CRYBA4: variants seen among roughly 807,000 people sequenced by gnomAD.
CRYBA4 encodes the protein crystallin beta A4.
Under a neutral mutation model 31.7 loss-of-function variants are expected in CRYBA4, and 30 were observed. The observed-to-expected ratio is 0.95, with a 90% CI of 0.71 to 1.28. The LOEUF is 1.28. Among genes scored for constraint, CRYBA4 ranks in the 50% most tolerant of loss-of-function variants. The pLI is 0.00. For missense variants in CRYBA4, 225 were observed against 260.7 expected, an observed-to-expected ratio of 0.86 and a Z score of 0.94; for synonymous variants, 102 against 102.3, an observed-to-expected ratio of 1.00 and a Z score of 0.02.
chr22:26,630,501 A>G lies in CRYBA4; in HGVS notation c.*14A>G. 1 of 1,610,764 alleles carries G rather than the reference A, an allele frequency of 6.2e-7. No homozygotes were observed. Among genetic ancestry groups the G allele is most frequent in the South Asian group, 1.1e-5 (1 of 90,908 alleles). On this transcript the variant is annotated 3_prime_UTR_variant, in exon 6 of 6. Coordinates refer to ENST00000354760, the MANE Select transcript of CRYBA4 (RefSeq NM_001886.3). ...ATCCAGCAGTGAACAGGGGTGCGGC[A>G]CGGAGGAGCGCATGCGTGCTTATCT...
the CRYBA4 span, among the ~76,000 whole-genome samples, chr22:26,605,929 C>T: frequency 2.0e-5 from 3 of 152,046 alleles, no homozygotes; most frequent in South Asian, 2.1e-4. Context: ...ATTTAACCTG[C>T]GGCCTGCAGG....
At chr22:26,618,986 G>A (rs553544517), upstream of CRYBA4, among the ~76,000 whole-genome samples, 3 of 152,198 alleles carry the variant, frequency 2.0e-5, no homozygotes, top group South Asian at 6.2e-4. Flanking sequence ...CTGTCCCAGA[G>A]CCTCCTGCCC....
At chr22:26,612,056 G>A in the CRYBA4 span, 183 of 1,581,020 alleles carry the variant, frequency 1.2e-4, no homozygotes, top group Non-Finnish European at 1.6e-4. Flanking sequence ...GTGCCCCTCC[G>A]CCGCCCAGTA....
chr22:26,601,917 G>T, the CRYBA4 span: 1 of 1,612,714 alleles, frequency 6.2e-7, no homozygotes, highest in Non-Finnish European at 8.5e-7. Flanking sequence ...CGCGGTCACT[G>T]AAGCCGTAGA....
At chr22:26,603,709 G>A in the CRYBA4 span, among the ~76,000 whole-genome samples, 1 of 151,902 alleles carries the variant, frequency 6.6e-6, no homozygotes, top group Non-Finnish European at 1.5e-5. Flanking sequence ...TTCGAGACCA[G>A]CCTGACTAAC....
At chr22:26,616,716 C>G in the CRYBA4 span, among the ~76,000 whole-genome samples, 2 of 152,184 alleles carry the variant, frequency 1.3e-5, no homozygotes, top group Non-Finnish European at 2.9e-5. Context: ...TTTGGGAGTA[C>G]TTAAGGTGTG....
chr22:26,628,023 AC>A (rs1316561945), intron 4 of CRYBA4, among the ~76,000 whole-genome samples: 1 of 151,706 alleles, frequency 6.6e-6, no homozygotes, highest in South Asian at 2.1e-4. Context: ...ATAAAAGTTG[AC>A]TCCTTTTTTT....
chr22:26,628,990 TGA>T (rs758664137), intron 5 of CRYBA4, among the ~76,000 whole-genome samples: 2 of 152,128 alleles, frequency 1.3e-5, no homozygotes, highest in Non-Finnish European at 2.9e-5. Flanking sequence ...TCACCTTGGC[TGA>T]GAGTGAGAGG....
At chr22:26,627,374 TTC>T (rs1267622245) in intron 4 of CRYBA4, among the ~76,000 whole-genome samples, 5 of 60,432 alleles carry the variant, frequency 8.3e-5, no homozygotes, top group African/African-American at 1.2e-4. Context: ...CTTTCTTTCT[TTC>T]TTTCTTTCTT....
At chr22:26,627,533 TCC>T (rs1929784815) in intron 4 of CRYBA4, among the ~76,000 whole-genome samples, 1 of 137,384 alleles carries the variant, frequency 7.3e-6, no homozygotes, top group African/African-American at 2.8e-5. Flanking sequence ...TCTCTTTCTT[TCC>T]TTTTCTTTCT....
upstream of CRYBA4, among the ~76,000 whole-genome samples, chr22:26,619,113 T>A (rs1347413739): frequency 6.6e-6 from 1 of 152,022 alleles, no homozygotes; most frequent in Non-Finnish European, 1.5e-5. Context: ...GGTGACTCAA[T>A]GGTGGTTCCA....
chr22:26,611,962 G>A, the CRYBA4 span: 2 of 798,668 alleles, frequency 2.5e-6, no homozygotes, highest in South Asian at 1.3e-5. Flanking sequence ...GTATGTGCCA[G>A]GAGTACGAAC....
the CRYBA4 span, chr22:26,616,035 G>C: frequency 1.1e-6 from 1 of 889,728 alleles, no homozygotes; most frequent in Non-Finnish European, 1.9e-6. Context: ...AAAGAGGTGC[G>C]GAGGAGTAAG....
At chr22:26,613,963 T>G in the CRYBA4 span, among the ~76,000 whole-genome samples, 1 of 152,184 alleles carries the variant, frequency 6.6e-6, no homozygotes, top group African/African-American at 2.4e-5. Flanking sequence ...GGTCGTCTCT[T>G]ATGGTCGACG....
At chr22:26,615,150 G>A in the CRYBA4 span, among the ~76,000 whole-genome samples, 1 of 152,324 alleles carries the variant, frequency 6.6e-6, no homozygotes, top group Admixed American at 6.5e-5. Flanking sequence ...CCACATGAGA[G>A]CGTGTCATGA....
the CRYBA4 span, among the ~76,000 whole-genome samples, chr22:26,596,256 C>T: frequency 0.19 from 28,950 of 151,886 alleles, 2,867 homozygotes; most frequent in Middle Eastern, 0.21. Context: ...CCACCATGTC[C>T]GGCTAATTTT....
chr22:26,607,983 A>G, the CRYBA4 span: 11 of 1,614,078 alleles, frequency 6.8e-6, no homozygotes, highest in Non-Finnish European at 9.3e-6. Context: ...CAGGATGAAC[A>G]TCTCCCCGCG....
the CRYBA4 span, chr22:26,607,877 A>G: frequency 5.0e-6 from 8 of 1,614,136 alleles, no homozygotes; most frequent in East Asian, 1.8e-4. Context: ...CCCCAGCCGG[A>G]GAGCCACTCA....
At chr22:26,596,203 C>G in the CRYBA4 span, among the ~76,000 whole-genome samples, 1 of 152,210 alleles carries the variant, frequency 6.6e-6, no homozygotes, top group Non-Finnish European at 1.5e-5. Context: ...TCAAGCTATT[C>G]TGCTGCCTCA....
Sources: gnomAD v4.1 joint callset for allele counts (sites outside exome capture counted in the v4.1 genomes callset) on GRCh38, gnomAD v4.1.1 for gene constraint, MANE v1.5 for transcripts, NCBI Gene and HGNC (gene_info 2026-07-23, HGNC 2026-07-21) for gene names.